Variants in CNTNAP3B observed in about 807,000 individuals in gnomAD.
CNTNAP3B encodes contactin associated protein family member 3B.
In CNTNAP3B, 25 loss-of-function variants were observed where a neutral mutation model predicts 108.9. The observed-to-expected ratio is 0.23, with a 90% CI of 0.17 to 0.32. CNTNAP3B has a LOEUF of 0.32. Ranked by LOEUF, CNTNAP3B falls within the 10% of genes least tolerant of loss-of-function variation. CNTNAP3B has a pLI of 1.00. For synonymous variants in CNTNAP3B, 103 were observed against 473.4 expected (o/e 0.22, Z 10.16); for missense variants, 252 against 1,210.4 (o/e 0.21, Z 11.75).
chr9:41,945,631 G>T (rs1210306259), intron 13 of CNTNAP3B, among the ~76,000 whole-genome samples: 2 of 152,306 alleles, frequency 1.3e-5, no homozygotes, highest in African/African-American at 4.8e-5. Flanking sequence ...TGTGGGGAGA[G>T]GGGAGGAATA....
chr9:41,955,426 G>A (rs1332870460), intron 12 of CNTNAP3B, among the ~76,000 whole-genome samples: 1 of 152,302 alleles, frequency 6.6e-6, no homozygotes, highest in Non-Finnish European at 1.5e-5. Context: ...GAAGGACACA[G>A]ACCATTGTGG....
intron 13 of CNTNAP3B, among the ~76,000 whole-genome samples, chr9:41,951,880 C>G (rs1459257082): frequency 2.0e-5 from 3 of 152,374 alleles, no homozygotes; most frequent in Middle Eastern, 3.4e-3. Context: ...AGTTCAAGAA[C>G]AGCCTGACCA....
intron 3 of CNTNAP3B, among the ~76,000 whole-genome samples, chr9:42,051,879 G>A (rs1587231899): frequency 6.6e-6 from 1 of 152,144 alleles, no homozygotes; most frequent in Non-Finnish European, 1.5e-5. Context: ...TCAGTCAGAA[G>A]TTTAGCTAAT....
At position 42,034,255 on chromosome 9, in the gene CNTNAP3B, A is replaced by G. The variant is rs1274328461; in HGVS notation, c.391-20730T>C. On this transcript the variant is annotated intron_variant, in intron 3 of 23. Transcript: ENST00000377561. ...ATAACTCTCCTTCTTAGAGTGAACC[A>G]TGTGGAACTTCCAACCCTTCTTTCC... 2.4e-5 allele frequency among the ~76,000 whole-genome samples: 3 copies of G among 125,604 alleles called. 1 individual carries two copies. In the Admixed American group the frequency reaches 2.4e-4, roughly 10 times the overall value. 82.4% of individuals were successfully genotyped at this position (125,604 alleles called of 152,430 possible).
At chr9:41,948,194 C>T (rs1343462231) in intron 13 of CNTNAP3B, among the ~76,000 whole-genome samples, 37 of 147,090 alleles carry the variant, frequency 2.5e-4, no homozygotes, top group African/African-American at 7.8e-4. Flanking sequence ...CAAGTTCAAG[C>T]GATTCTCCTG....
intron 9 of CNTNAP3B, among the ~76,000 whole-genome samples, chr9:41,977,631 T>C (rs965611885): frequency 2.2e-5 from 3 of 133,920 alleles, no homozygotes; most frequent in Non-Finnish European, 3.2e-5. Flanking sequence ...TTTTTTTTTT[T>C]TTTTGAGACG....
intron 3 of CNTNAP3B, among the ~76,000 whole-genome samples, chr9:42,030,810 A>T (rs1826508371): frequency 2.1e-4 from 17 of 79,768 alleles, no homozygotes; most frequent in East Asian, 5.3e-4. Flanking sequence ...AGAGAGAGAG[A>T]GAGGAGAGAG....
chr9:41,992,597 ATTG>A (rs1323486281), intron 7 of CNTNAP3B, among the ~76,000 whole-genome samples: 2 of 150,430 alleles, frequency 1.3e-5, no homozygotes, highest in Non-Finnish European at 3.0e-5. Context: ...TTTCTTTAAG[ATTG>A]TTGTTTGTTT....
intron 8 of CNTNAP3B, among the ~76,000 whole-genome samples, chr9:41,987,195 T>A (rs1326551976): frequency 8.0e-6 from 1 of 125,732 alleles, no homozygotes; most frequent in East Asian, 2.4e-4. Context: ...GCATGGTGGC[T>A]CATGCCTGTA....
At chr9:42,121,566 C>T (rs370509849) in intron 1 of CNTNAP3B, among the ~76,000 whole-genome samples, 1 of 139,416 alleles carries the variant, frequency 7.2e-6, no homozygotes, top group African/African-American at 2.8e-5. Context: ...AGGAGATGAG[C>T]TTTGTCACAG....
intron 2 of CNTNAP3B, among the ~76,000 whole-genome samples, chr9:42,087,237 G>A (rs920776050): frequency 4.3e-5 from 6 of 138,040 alleles, no homozygotes; most frequent in African/African-American, 1.7e-4. Context: ...TCTCCATATA[G>A]GAACATGTTA....
chr9:41,939,629 T>C (rs1824272057), intron 13 of CNTNAP3B, among the ~76,000 whole-genome samples: 2 of 152,286 alleles, frequency 1.3e-5, no homozygotes, highest in Non-Finnish European at 1.5e-5. Context: ...ATTAATACAC[T>C]CTTCTCGGAA....
chr9:41,933,954 C>T (rs1824058793), intron 14 of CNTNAP3B, among the ~76,000 whole-genome samples: 1 of 150,336 alleles, frequency 6.7e-6, no homozygotes, highest in Non-Finnish European at 1.5e-5. Context: ...AATAATTTTT[C>T]CTTGCTAAAC....
At chr9:42,066,514 C>T (rs1246233610) in intron 3 of CNTNAP3B, among the ~76,000 whole-genome samples, 1 of 115,742 alleles carries the variant, frequency 8.6e-6, no homozygotes, top group Non-Finnish European at 1.8e-5. Context: ...ACAACCTCTG[C>T]CTCCCGGGTT....
rs1482234101 is a variant in CNTNAP3B at position 41,925,148 on chromosome 9, A to T, written c.2366-1055T>A. 4.6e-3 allele frequency among the ~76,000 whole-genome samples: 694 copies of T among 149,382 alleles called. 3 individuals are homozygous for T. Among genetic ancestry groups the T allele is most frequent in the African/African-American group, 0.013 (530 of 39,856 alleles). On this transcript the variant is annotated intron_variant, in intron 15 of 23. Coordinates refer to ENST00000377561, the MANE Select transcript of CNTNAP3B (RefSeq NM_001201380.3). ...TTTGACACTTTAAGGTTACAGAAAC[A>T]CAACTTTACCCAGTTTAAAATTTTT...
chr9:42,086,350 T>C (rs1195487826), intron 2 of CNTNAP3B, among the ~76,000 whole-genome samples: 1 of 135,762 alleles, frequency 7.4e-6, no homozygotes, highest in Non-Finnish European at 1.6e-5. Flanking sequence ...AGCCAAACCA[T>C]ATCATCTACT....
chr9:41,973,926 C>G lies in CNTNAP3B; in HGVS notation c.1478-3681G>C, dbSNP rs111371049. ...GTGGCACCATCTCGGTTCACTGCAACCTTTGCCTTCCAGGTTCAAGGAATT... is the reference window on the plus strand; with the variant it reads ...GTGGCACCATCTCGGTTCACTGCAAGCTTTGCCTTCCAGGTTCAAGGAATT... On this transcript the variant is annotated intron_variant, in intron 9 of 23. Coordinates refer to ENST00000377561, the MANE Select transcript of CNTNAP3B (RefSeq NM_001201380.3). Among the ~76,000 whole-genome samples the G allele has an allele frequency of 5.9e-5, 8 of 136,170 alleles. 1 individual carries two copies. Among genetic ancestry groups the G allele is most frequent in the Non-Finnish European group, 9.4e-5 (6 of 64,152 alleles). 89.3% of individuals were successfully genotyped at this position (136,170 alleles called of 152,430 possible). A position where few individuals can be genotyped will look rare whatever the true frequency, so the allele number is the denominator to read the frequency against.
rs976325425 is a variant in CNTNAP3B, at chr9:42,017,131, C to G, written c.391-3606G>C. On this transcript the variant is annotated intron_variant, in intron 3 of 23. Coordinates refer to ENST00000377561, the MANE Select transcript of CNTNAP3B (RefSeq NM_001201380.3). Reference sequence around the variant, plus strand: ...AAATCTGTGGCTTGGAGTCCACTCACATGCTGGAAATATGTTTCATAAATA... The same window carrying G: ...AAATCTGTGGCTTGGAGTCCACTCAGATGCTGGAAATATGTTTCATAAATA... 6.4e-5 allele frequency among the ~76,000 whole-genome samples: 9 copies of G among 140,434 alleles called. 1 individual carries two copies. In the South Asian group the frequency reaches 1.4e-3, roughly 21 times the overall value. The allele number at this position is 140,434 out of a possible 152,430, so 92.1% of individuals were successfully genotyped here.
rs1305655855 is a variant in CNTNAP3B at position 42,115,285 on chromosome 9, C to G, written c.86-10546G>C. ...ATCCAAGATGGTCGAATAGGAACAGCTCCAGTCTACAGCTCCCAGCATGAA... is the reference window on the plus strand; with the variant it reads ...ATCCAAGATGGTCGAATAGGAACAGGTCCAGTCTACAGCTCCCAGCATGAA... On this transcript the variant is annotated intron_variant, in intron 1 of 23. Coordinates refer to ENST00000377561, the MANE Select transcript of CNTNAP3B (RefSeq NM_001201380.3). Among the ~76,000 whole-genome samples the G allele has an allele frequency of 4.5e-5, 6 of 134,328 alleles. 2 individuals carry two copies. Among genetic ancestry groups the G allele is most frequent in the Non-Finnish European group, 9.5e-5 (6 of 63,446 alleles). 88.1% of individuals were successfully genotyped at this position (134,328 alleles called of 152,430 possible). A position where few individuals can be genotyped will look rare whatever the true frequency, so the allele number is the denominator to read the frequency against.
Sources: gnomAD v4.1 joint callset for allele counts (sites outside exome capture counted in the v4.1 genomes callset) on GRCh38, gnomAD v4.1.1 for gene constraint, MANE v1.5 for transcripts, NCBI Gene and HGNC (gene_info 2026-07-23, HGNC 2026-07-21) for gene names.